Variants in PCDHA3 observed in about 807,000 individuals in gnomAD.
PCDHA3 encodes protocadherin alpha-3.
A neutral mutation model predicts 62.2 loss-of-function variants in PCDHA3; 41 were observed. The ratio of observed to expected loss-of-function variants is 0.66; its 90% confidence interval spans 0.51 to 0.86. PCDHA3 has a LOEUF of 0.86. Among genes scored for constraint, PCDHA3 ranks in the 40% least tolerant of loss-of-function variants. The pLI is 0.00. For missense variants in PCDHA3, 1,304 were observed against 1,241.2 expected (o/e 1.05, Z -0.76); for synonymous variants, 640 against 555.4 (o/e 1.15, Z -2.14).
rs2150473987 is a variant in PCDHA3 at position 140,850,218 on chromosome 5, G to C, written c.2394+46627G>C. ...GACACCTCGGATGAGGGGCACTGAC[G>C]GCGCAGTGAGCGAGATGGTGCTGCG... is the stretch of plus-strand genomic sequence containing the variant. On this transcript the variant is annotated intron_variant, in intron 1 of 3. Transcript: ENST00000522353. 11 of 1,593,684 alleles carry C rather than the reference G, an allele frequency of 6.9e-6. 1 individual carries two copies. The highest frequency in any genetic ancestry group is 4.4e-5 in the South Asian group (4 of 90,424).
intron 1 of PCDHA3, chr5:140,966,824 A>G (rs1463208532): frequency 1.3e-6 from 2 of 1,559,876 alleles, no homozygotes; most frequent in Admixed American, 1.9e-5. Flanking sequence ...CCGGCGGCCC[A>G]TGCCCTGGCT....
Position 140,801,224 on chromosome 5 carries a change from T to C in PCDHA3, c.27T>C (p.Pro9=). Residue 9 remains proline, a synonymous_variant, in exon 1 of 4, where the codon CCT becomes CCC. Coordinates refer to ENST00000522353, the MANE Select transcript of PCDHA3 (RefSeq NM_018906.3). MLFSWRED[P]GAQCLLLSLL... is the part of the protein sequence containing the mutation. ...TGTTGTTCTCCTGGCGAGAAGATCC[T>C]GGAGCCCAGTGCCTGCTGCTTTCTC... The C allele has an allele frequency of 6.2e-7, 1 of 1,610,994 alleles. No individual in the cohort carries two copies. The highest frequency in any genetic ancestry group is 8.5e-7 in the Non-Finnish European group (1 of 1,177,944).
In PCDHA3 at chr5:140,823,672, A is replaced by G. The variant is rs946828045; in HGVS notation, c.2394+20081A>G. 6 of 1,614,048 alleles carry G rather than the reference A, an allele frequency of 3.7e-6. No individual in the cohort carries two copies. Among genetic ancestry groups the G allele is most frequent in the Non-Finnish European group, 5.1e-6 (6 of 1,179,960 alleles). On this transcript the variant is annotated intron_variant, in intron 1 of 3. Coordinates refer to ENST00000522353, the MANE Select transcript of PCDHA3 (RefSeq NM_018906.3). Reference sequence around the variant, plus strand: ...GCTGTACACAGGCGAGATCAGCACAACACGCTCTCTGGATGAGACCGAAGC... The same window carrying G: ...GCTGTACACAGGCGAGATCAGCACAGCACGCTCTCTGGATGAGACCGAAGC...
In PCDHA3 at chr5:140,829,954, G is replaced by A. The variant is rs2150178517; in HGVS notation, c.2394+26363G>A. 14 of 1,613,992 alleles carry A rather than the reference G, an allele frequency of 8.7e-6. No individual in the cohort carries two copies. In the South Asian group the frequency reaches 9.9e-5, roughly 11 times the overall value. ...CCCCGGCAAGCAGCGCTCGCTTCCC[G>A]TTTCGCGTGGGGCTGTACACGGGCG... On this transcript the variant is annotated intron_variant, in intron 1 of 3. Transcript: ENST00000522353.
chr5:140,834,254 G>C, intron 1 of PCDHA3: 2 of 927,248 alleles, frequency 2.2e-6, no homozygotes, highest in Non-Finnish European at 3.3e-6. Context: ...CTGGAAAGAC[G>C]CTCCACTCTC....
chr5:140,967,404 A>C (rs2096137449), intron 1 of PCDHA3: 1 of 1,612,076 alleles, frequency 6.2e-7, no homozygotes, highest in Non-Finnish European at 8.5e-7. Flanking sequence ...GTGCTGCGTA[A>C]GGGCCTAGAC....
intron 3 of PCDHA3, among the ~76,000 whole-genome samples, chr5:141,005,658 C>T (rs1014602554): frequency 6.9e-4 from 96 of 138,640 alleles, no homozygotes; most frequent in African/African-American, 2.4e-3. Flanking sequence ...GTCGAGATCG[C>T]GCCACTGCAC....
intron 1 of PCDHA3, among the ~76,000 whole-genome samples, chr5:140,839,001 C>A (rs1775989279): frequency 6.6e-6 from 1 of 151,970 alleles, no homozygotes; most frequent in Non-Finnish European, 1.5e-5. Flanking sequence ...TTCTAATATA[C>A]TTTAGTAAAT....
At chr5:140,961,479 C>G (rs2095615905) in intron 1 of PCDHA3, among the ~76,000 whole-genome samples, 1 of 152,108 alleles carries the variant, frequency 6.6e-6, no homozygotes, top group Non-Finnish European at 1.5e-5. Context: ...TTTGTCTTGT[C>G]CACGTGAGTA....
chr5:140,884,444 C>G (rs1186302015), intron 1 of PCDHA3: 1 of 1,613,776 alleles, frequency 6.2e-7, no homozygotes, highest in East Asian at 2.2e-5. Flanking sequence ...GTGCTCGGCA[C>G]CGCCCACCGA....
At position 140,967,913 on chromosome 5, in the gene PCDHA3, A is replaced by G. The variant is rs548732358; in HGVS notation, c.2395-11036A>G. 3.7e-6 allele frequency: 6 copies of G among 1,614,184 alleles called. No homozygotes were observed. The highest frequency in any genetic ancestry group is 1.3e-5 in the African/African-American group (1 of 75,042). ...GCCTGAGAATGCTACACCCAACACC[A>G]TTGTGGCCGTTCTCAGTGTCAATGA... On this transcript the variant is annotated intron_variant, in intron 1 of 3. Transcript: ENST00000522353.
intron 3 of PCDHA3, among the ~76,000 whole-genome samples, chr5:141,004,550 G>A (rs1554259606): frequency 6.6e-6 from 1 of 152,222 alleles, no homozygotes; most frequent in African/African-American, 2.4e-5. Flanking sequence ...TCCTTTAACT[G>A]TGCAAGATGA....
At chr5:140,975,543 T>C (rs1276340507) in intron 1 of PCDHA3, among the ~76,000 whole-genome samples, 2 of 152,206 alleles carry the variant, frequency 1.3e-5, no homozygotes, top group African/African-American at 4.8e-5. Context: ...AATACAGTCC[T>C]ATTAGGAAGG....
rs1554121948 is a variant in PCDHA3 at position 140,802,203 on chromosome 5, G to A, written c.1006G>A (p.Val336Ile). 2 of 1,614,220 alleles carry A rather than the reference G, an allele frequency of 1.2e-6. No individual in the cohort carries two copies. Among genetic ancestry groups the A allele is most frequent in the Admixed American group, 3.3e-5 (2 of 60,030 alleles). Residue 336 changes from valine (V) to isoleucine (I), a missense_variant, in exon 1 of 4, where the codon GTT (valine) becomes ATT (isoleucine). Val to Ile is a conservative substitution (Grantham distance 29). Transcript: ENST00000522353. Reference protein sequence around the residue: ...GNPPMSDHCTVLLEIVDINDN... With the variant: ...GNPPMSDHCTILLEIVDINDN... ...TCCCCCAATGTCAGATCACTGCACAGTTCTACTCGAAATTGTGGACATCAA... is the reference window on the plus strand; with the variant it reads ...TCCCCCAATGTCAGATCACTGCACAATTCTACTCGAAATTGTGGACATCAA...
intron 1 of PCDHA3, chr5:140,927,314 C>G: frequency 6.2e-7 from 1 of 1,614,194 alleles, no homozygotes; most frequent in East Asian, 2.2e-5. Flanking sequence ...ACGCCCGGAG[C>G]CCGCTTTACT....
intron 1 of PCDHA3, among the ~76,000 whole-genome samples, chr5:140,874,171 G>C (rs2054750145): frequency 6.6e-6 from 1 of 152,080 alleles, no homozygotes; most frequent in Admixed American, 6.5e-5. Flanking sequence ...ACTCTTTCCT[G>C]GTGTTGTAAA....
At chr5:140,835,552 C>T (rs2150238034) in intron 1 of PCDHA3, 8 of 1,613,942 alleles carry the variant, frequency 5.0e-6, no homozygotes, top group East Asian at 2.2e-5. Flanking sequence ...TGCTCCCTGA[C>T]GCCCCGCGTT....
chr5:140,847,780 T>C (rs1554141908), intron 1 of PCDHA3: 1 of 149,906 alleles, frequency 6.7e-6, no homozygotes, highest in Non-Finnish European at 1.5e-5. Context: ...TTCTCGCTTT[T>C]CTTGCAATAT....
chr5:140,838,883 C>G (rs1775930205), intron 1 of PCDHA3, among the ~76,000 whole-genome samples: 1 of 151,746 alleles, frequency 6.6e-6, no homozygotes, highest in Non-Finnish European at 1.5e-5. Flanking sequence ...CCACTGAACT[C>G]CAGCCTAGGT....
Sources: allele counts gnomAD v4.1 joint callset (sites outside exome capture counted in the v4.1 genomes callset), GRCh38; gene constraint gnomAD v4.1.1; transcripts MANE v1.5; gene names NCBI Gene and HGNC (gene_info 2026-07-23, HGNC 2026-07-21).